Variants in MPHOSPH10 observed in about 807,000 individuals in gnomAD.
MPHOSPH10 encodes U3 small nucleolar ribonucleoprotein MPP10.
A neutral mutation model predicts 77.3 loss-of-function variants in MPHOSPH10; 33 were observed. The observed-to-expected ratio is 0.43, with a 90% CI of 0.32 to 0.57. The LOEUF (loss-of-function observed/expected upper bound fraction) is 0.57, where lower values mean the gene tolerates loss of function less well. Ranked by LOEUF, MPHOSPH10 falls within the 20% of genes least tolerant of loss-of-function variation. MPHOSPH10 has a pLI of 0.07. For missense variants in MPHOSPH10, 708 were observed against 780.1 expected, an observed-to-expected ratio of 0.91 and a Z score of 1.10; for synonymous variants, 245 against 268.0, an observed-to-expected ratio of 0.91 and a Z score of 0.84.
chr2:71,135,937 T>A (rs1273504947), intron 4 of MPHOSPH10, among the ~76,000 whole-genome samples: 1 of 152,080 alleles, frequency 6.6e-6, no homozygotes, highest in Non-Finnish European at 1.5e-5. Flanking sequence ...GCTCCTGACC[T>A]CAGGTGATCC....
At position 71,130,670 on chromosome 2, in the gene MPHOSPH10, C is replaced by A. The variant is rs778717737; in HGVS notation, c.5C>A (p.Ala2Glu). The change falls in exon 1 of 11, where the codon GCG becomes GAG. Residue 2 changes from alanine to glutamate, a missense_variant. By Grantham distance (107) the Ala-to-Glu change is moderately radical. Around this residue, in one of 3 missense-constraint regions of MPHOSPH10, gnomAD observed 433 missense variants for 432.6 expected, o/e 1.00. Transcript: ENST00000244230. Reference protein sequence around the residue: MAPQVWRRRTLE... With the variant: MEPQVWRRRTLE... ...TGTCGGGAGTTGCTGACAGCCATGGCGCCGCAGGTCTGGCGTCGACGGACC... is the reference window on the plus strand; with the variant it reads ...TGTCGGGAGTTGCTGACAGCCATGGAGCCGCAGGTCTGGCGTCGACGGACC... 4.4e-6 allele frequency: 7 copies of A among 1,608,114 alleles called. No individual in the cohort carries two copies. Among genetic ancestry groups the A allele is most frequent in the Admixed American group, 1.7e-5 (1 of 59,718 alleles).
intron 4 of MPHOSPH10, among the ~76,000 whole-genome samples, chr2:71,137,234 G>A (rs1161815354): frequency 6.6e-6 from 1 of 151,666 alleles, no homozygotes; most frequent in Non-Finnish European, 1.5e-5. Flanking sequence ...CATGCATGAT[G>A]CATGCATCAT....
chr2:71,149,066 A>G (rs1470459227), intron 9 of MPHOSPH10, 157 bp from the exon 10 acceptor site: 4 of 656,590 alleles, frequency 6.1e-6, no homozygotes, highest in African/African-American at 3.7e-5. Context: ...TGAGTTACCA[A>G]CGCTCATTGG....
intron 9 of MPHOSPH10, chr2:71,148,924 G>A: frequency 2.7e-6 from 1 of 371,686 alleles, no homozygotes; most frequent in Non-Finnish European, 4.9e-6. Context: ...GCTGTGGAGG[G>A]CTGGCTCCTC....
intron 8 of MPHOSPH10, among the ~76,000 whole-genome samples, chr2:71,146,113 A>T (rs1386552832): frequency 6.6e-6 from 1 of 152,250 alleles, no homozygotes; most frequent in Non-Finnish European, 1.5e-5. Flanking sequence ...AGGATCTAAC[A>T]CACGGAAGCC....
chr2:71,132,893 A>G lies in MPHOSPH10; in HGVS notation c.90-5A>G, dbSNP rs1239500963. 6.3e-6 allele frequency: 10 copies of G among 1,591,584 alleles called. No homozygotes were observed. The highest frequency in any genetic ancestry group is 2.3e-5 in the South Asian group (2 of 88,862). On this transcript the variant is annotated splice_polypyrimidine_tract_variant and splice_region_variant and intron_variant, in intron 1 of 10. Coordinates refer to ENST00000244230, the MANE Select transcript of MPHOSPH10 (RefSeq NM_005791.3). ...TTCTAAATCTCACTTAATTCCTCCC[A>G]ATAGGATTCAAGAGGGATTGGCATC...
At position 71,138,524 on chromosome 2, in the gene MPHOSPH10, T is replaced by G. The variant is rs1178238313; in HGVS notation, c.1133T>G (p.Leu378Trp). The change falls in exon 5 of 11, where the codon TTG becomes TGG. Residue 378 changes from leucine (L) to tryptophan (W), a missense_variant. Physicochemically the swap from Leu to Trp is moderately conservative, Grantham distance 61 (BLOSUM62 -2). This residue lies in a region of MPHOSPH10 where 433 missense variants were observed against 432.6 expected (regional missense o/e 1.00). Transcript: ENST00000244230. ...NEKIASLEKE[L>W]LEKKPWQLQG... ...AAAATTGCATCTTTAGAAAAAGAGT[T>G]GTTAGAAAAAAAGCCGTGGCAGCTT... 5 of 1,598,218 alleles carry G rather than the reference T, an allele frequency of 3.1e-6. No homozygotes were observed. The highest frequency in any genetic ancestry group is 1.4e-5 in the African/African-American group (1 of 73,928).
At chr2:71,144,383 T>G (rs772145476) in intron 7 of MPHOSPH10, 45 bp from the exon 8 acceptor site, 1 of 1,374,480 alleles carries the variant, frequency 7.3e-7, no homozygotes, top group Non-Finnish European at 1.0e-6. Context: ...TCCTGTGATA[T>G]ATATCAAGTC....
intron 7 of MPHOSPH10, among the ~76,000 whole-genome samples, chr2:71,141,600 A>G (rs1377147216): frequency 6.6e-6 from 1 of 152,158 alleles, no homozygotes. Context: ...TACTTTTACA[A>G]CTCATTAACT....
At position 71,141,293 on chromosome 2, in the gene MPHOSPH10, GT is replaced by G; in HGVS notation, c.1373del (p.Leu458Ter). 1 of 1,569,148 alleles carries G rather than the reference GT, an allele frequency of 6.4e-7. No individual in the cohort carries two copies. The highest frequency in any genetic ancestry group is 8.6e-7 in the Non-Finnish European group (1 of 1,159,008). ...GAGGATGCATATGAATATAAAAAGC[GT>G]TTAACCTTAGACCATGAGAAGAGTA... ...PKEDAYEYKK[R>X]LTLDHEKSKL... On this transcript the variant is annotated frameshift_variant, in exon 7 of 11. Transcript: ENST00000244230. LOFTEE classifies it high-confidence loss of function.
chr2:71,130,707 T>C lies in MPHOSPH10; in HGVS notation c.42T>C (p.Cys14=). The part of the protein sequence containing the change: ...QVWRRRTLER[C]LTEVGKATGR... Reference sequence around the variant, plus strand: ...GGCGTCGACGGACCCTGGAGCGGTGTCTGACGGAAGTCGGCAAAGCCACGG... The same window carrying C: ...GGCGTCGACGGACCCTGGAGCGGTGCCTGACGGAAGTCGGCAAAGCCACGG... Residue 14 remains cysteine, a synonymous_variant, in exon 1 of 11, where the codon TGT becomes TGC. Coordinates refer to ENST00000244230, the MANE Select transcript of MPHOSPH10 (RefSeq NM_005791.3). 1.2e-6 allele frequency: 2 copies of C among 1,611,002 alleles called. No homozygotes were observed. The highest frequency in any genetic ancestry group is 2.2e-5 in the South Asian group (2 of 90,842).
chr2:71,137,243 A>T (rs1673514717), intron 4 of MPHOSPH10, among the ~76,000 whole-genome samples: 1 of 152,140 alleles, frequency 6.6e-6, no homozygotes, highest in South Asian at 2.1e-4. Flanking sequence ...TGCATGCATC[A>T]TTCTAGAAAC....
In MPHOSPH10 at chr2:71,149,389, G is replaced by A; in HGVS notation, c.1832G>A (p.Ser611Asn). ...AGTGTAGATCAAGCAGGGAAATACA[G>A]CAAAACAGTAGCTTCGGAGAAGTTA... ...KSSVDQAGKY[S>N]KTVASEKLKQ... Residue 611 changes from serine (S) to asparagine (N), a missense_variant, in exon 10 of 11, where the codon AGC becomes AAC. Ser to Asn is a conservative substitution (Grantham distance 46). Transcript: ENST00000244230. 1.9e-6 allele frequency: 3 copies of A among 1,587,658 alleles called. No homozygotes were observed. The highest frequency in any genetic ancestry group is 2.2e-5 in the South Asian group (2 of 90,024).
intron 8 of MPHOSPH10, among the ~76,000 whole-genome samples, chr2:71,145,484 C>T (rs1673689017): frequency 6.7e-6 from 1 of 148,490 alleles, no homozygotes. Flanking sequence ...CTTTTTTAAC[C>T]TGGTTGTTTT....
intron 5 of MPHOSPH10, chr2:71,139,036 C>CT (rs970373952): frequency 4.5e-5 from 18 of 403,782 alleles, no homozygotes; most frequent in African/African-American, 3.4e-4. Context: ...GAGCGACACT[C>CT]TGTCAAAAAA....
intron 7 of MPHOSPH10, among the ~76,000 whole-genome samples, chr2:71,142,029 C>A (rs1673623903): frequency 7.1e-6 from 1 of 140,540 alleles, no homozygotes; most frequent in Non-Finnish European, 1.6e-5. Flanking sequence ...GAGACTCCAT[C>A]TCAAAAAAAG....
rs776159085 is a variant in MPHOSPH10 at position 71,133,330 on chromosome 2, C to T, written c.522C>T (p.Asp174=). The change falls in exon 2 of 11, where the codon GAC becomes GAT. Residue 174 remains aspartate, a synonymous_variant. Coordinates refer to ENST00000244230, the MANE Select transcript of MPHOSPH10 (RefSeq NM_005791.3). ...PVFSDEDSDL[D]FDISKLEQQS... ...TCAGTGATGAGGATTCTGACCTTGACTTTGATATCAGCAAATTGGAACAGC... is the reference window on the plus strand; with the variant it reads ...TCAGTGATGAGGATTCTGACCTTGATTTTGATATCAGCAAATTGGAACAGC... 20 of 1,614,002 alleles carry T rather than the reference C, an allele frequency of 1.2e-5. No individual in the cohort carries two copies. Among genetic ancestry groups the T allele is most frequent in the Non-Finnish European group, 1.7e-5 (20 of 1,180,016 alleles).
chr2:71,144,608 C>T, intron 8 of MPHOSPH10, 70 bp downstream of exon 8: 1 of 1,131,766 alleles, frequency 8.8e-7, no homozygotes, highest in Admixed American at 2.1e-5. Flanking sequence ...CTTTGTGAGA[C>T]TAGCTCTTTA....
chr2:71,138,466 C>A (rs749492129), intron 4 of MPHOSPH10, 24 bp from the exon 5 acceptor site: 24 of 1,492,012 alleles, frequency 1.6e-5, no homozygotes, highest in Admixed American at 6.6e-5. Flanking sequence ...TAAATGTATA[C>A]TAGTTATTTT....
Sources: allele counts gnomAD v4.1 joint callset (sites outside exome capture counted in the v4.1 genomes callset), GRCh38; gene constraint gnomAD v4.1.1; regional missense constraint gnomAD v4.1.1; transcripts MANE v1.5; gene names NCBI Gene and HGNC (gene_info 2026-07-23, HGNC 2026-07-21).